Variants in KIF25 observed in about 807,000 individuals in gnomAD.
The protein encoded by KIF25 is kinesin family member 25.
In KIF25, 19 loss-of-function variants were observed where a neutral mutation model predicts 32.9. The observed-to-expected ratio is 0.58, with a 90% CI of 0.40 to 0.85. The LOEUF is 0.85. KIF25 is among the 40% of genes least tolerant of loss of function. KIF25 has a pLI of 0.00. For synonymous variants in KIF25, 225 were observed against 213.7 expected (o/e 1.05, Z -0.46); for missense variants, 485 against 507.0 (o/e 0.96, Z 0.42).
At chr6:168,021,871 C>T (rs575964881) in intron 5 of KIF25, among the ~76,000 whole-genome samples, 29 of 152,338 alleles carry the variant, frequency 1.9e-4, no homozygotes, top group Admixed American at 4.6e-4. Flanking sequence ...GATCTCAGAG[C>T]ATGGGTAAAG....
rs745632205 is a variant in KIF25, at chr6:168,045,013, T to G, written c.*17T>G. The G allele has an allele frequency of 6.3e-7, 1 of 1,577,126 alleles. No individual in the cohort carries two copies. The highest frequency in any genetic ancestry group is 1.8e-5 in the Admixed American group (1 of 54,230). On this transcript the variant is annotated 3_prime_UTR_variant, in exon 13 of 13. Transcript: ENST00000643607. Reference sequence around the variant, plus strand: ...CCGGATTGAATGCATTAACAAGTTTTTCTCCTAAAACTGTGTTTCTTGTCC... The same window carrying G: ...CCGGATTGAATGCATTAACAAGTTTGTCTCCTAAAACTGTGTTTCTTGTCC...
intron 7 of KIF25, among the ~76,000 whole-genome samples, chr6:168,031,435 G>T (rs1798940704): frequency 6.6e-6 from 1 of 152,220 alleles, no homozygotes; most frequent in Non-Finnish European, 1.5e-5. Context: ...TCCAGCAAAG[G>T]CTTCTGCACA....
intron 5 of KIF25, among the ~76,000 whole-genome samples, chr6:168,021,406 A>T (rs559453740): frequency 6.6e-6 from 1 of 152,374 alleles, no homozygotes; most frequent in Admixed American, 6.5e-5. Context: ...TCGAAGACAG[A>T]TCATGGTGAA....
chr6:168,040,218 T>C lies in KIF25; in HGVS notation c.646+2T>C. 1 of 1,609,450 alleles carries C rather than the reference T, an allele frequency of 6.2e-7. No homozygotes were observed. The highest frequency in any genetic ancestry group is 8.5e-7 in the Non-Finnish European group (1 of 1,177,800). ...CAGCCTCCTGCTCTGACAGCACTGG[T>C]AAGTCACCATTTGTGCTTGGTCAGT... On this transcript the variant is annotated splice_donor_variant, in intron 10 of 12. Coordinates refer to ENST00000643607, the MANE Select transcript of KIF25 (RefSeq NM_030615.4). LOFTEE classifies it high-confidence loss of function.
At chr6:168,005,721 G>T (rs989396022) in intron 4 of KIF25, among the ~76,000 whole-genome samples, 2 of 152,192 alleles carry the variant, frequency 1.3e-5, no homozygotes, top group East Asian at 3.9e-4. Context: ...AAGGATGTAG[G>T]CTGGGAGGCT....
rs556899448 is a variant in KIF25 at position 168,038,488 on chromosome 6, T to C, written c.318-65T>C. 41 of 1,550,526 alleles carry C rather than the reference T, an allele frequency of 2.6e-5. No homozygotes were observed. The African/African-American group carries it at 4.1e-4, about 15-fold the overall frequency. On this transcript the variant is annotated intron_variant, in intron 8 of 12. Coordinates refer to ENST00000643607, the MANE Select transcript of KIF25 (RefSeq NM_030615.4). ...TCCTGTAGGGCGTCTGGGGCTATGATTGGCTTACACTGAAAATCACTCTGT... is the reference window on the plus strand; with the variant it reads ...TCCTGTAGGGCGTCTGGGGCTATGACTGGCTTACACTGAAAATCACTCTGT...
chr6:168,018,831 C>T (rs952284103), intron 5 of KIF25, among the ~76,000 whole-genome samples: 1 of 152,176 alleles, frequency 6.6e-6, no homozygotes, highest in Non-Finnish European at 1.5e-5. Flanking sequence ...CCGGCAGCAG[C>T]CTGTGTCGCT....
intron 8 of KIF25, among the ~76,000 whole-genome samples, chr6:168,035,360 G>A (rs946165589): frequency 1.7e-5 from 2 of 117,906 alleles, no homozygotes; most frequent in South Asian, 3.1e-4. Context: ...CCACGGCTGC[G>A]TTTCCGTTTG....
At chr6:168,004,881 T>C (rs909580183) in intron 4 of KIF25, among the ~76,000 whole-genome samples, 1 of 152,244 alleles carries the variant, frequency 6.6e-6, no homozygotes, top group African/African-American at 2.4e-5. Flanking sequence ...GAAGCACTTT[T>C]GCTTCAAAAT....
chr6:168,042,793 C>T (rs916819465), intron 12 of KIF25, 77 bp downstream of exon 12: 106 of 1,495,616 alleles, frequency 7.1e-5, no homozygotes, highest in Non-Finnish European at 8.2e-5. Flanking sequence ...CTGGCCTGCA[C>T]GTCCTCGAGG....
At chr6:168,004,900 C>G (rs1188230247) in intron 4 of KIF25, among the ~76,000 whole-genome samples, 4 of 152,228 alleles carry the variant, frequency 2.6e-5, no homozygotes, top group Non-Finnish European at 5.9e-5. Flanking sequence ...ATCAAACCAG[C>G]ATCTAATCAA....
At chr6:168,018,947 G>C (rs1477100989) in intron 5 of KIF25, among the ~76,000 whole-genome samples, 6 of 152,222 alleles carry the variant, frequency 3.9e-5, no homozygotes, top group African/African-American at 1.2e-4. Context: ...AAGAACCACC[G>C]GGGAGGAGCC....
At chr6:168,025,581 T>TG (rs1798849362) in intron 5 of KIF25, among the ~76,000 whole-genome samples, 1 of 152,132 alleles carries the variant, frequency 6.6e-6, no homozygotes, top group African/African-American at 2.4e-5. Flanking sequence ...CTCCAATCCT[T>TG]GCAGTTTACT....
chr6:168,000,066 C>A (rs1798476705), intron 2 of KIF25, among the ~76,000 whole-genome samples: 1 of 112,166 alleles, frequency 8.9e-6, no homozygotes, highest in Non-Finnish European at 1.9e-5. Context: ...ATCCTGACCA[C>A]ACCTGACCCT....
chr6:168,031,524 C>T lies in KIF25; in HGVS notation c.167+677C>T, dbSNP rs548406731. On this transcript the variant is annotated intron_variant, in intron 7 of 12. Coordinates refer to ENST00000643607, the MANE Select transcript of KIF25 (RefSeq NM_030615.4). ...CGCGTCCCAAAGGCACATGATCCAA[C>T]GAGTAGGGTCAAGTCAGGAAGCTCC... is the stretch of plus-strand genomic sequence containing the variant. Among the ~76,000 whole-genome samples, 34 of 152,320 alleles carry T rather than the reference C, an allele frequency of 2.2e-4. No individual in the cohort carries two copies. In the South Asian group the frequency reaches 5.0e-3, roughly 22 times the overall value.
intron 5 of KIF25, among the ~76,000 whole-genome samples, chr6:168,020,016 C>T (rs372420231): frequency 2.6e-5 from 4 of 151,974 alleles, no homozygotes; most frequent in East Asian, 1.9e-4. Flanking sequence ...CCTGTAATCC[C>T]GCTGCTTGGG....
intron 2 of KIF25, among the ~76,000 whole-genome samples, chr6:168,001,529 C>G (rs2114862730): frequency 6.6e-6 from 1 of 152,130 alleles, no homozygotes; most frequent in East Asian, 1.9e-4. Context: ...TCCTCAGCTG[C>G]AGTAGCCTCA....
At chr6:168,021,937 AGTGTTC>A (rs1798792875) in intron 5 of KIF25, among the ~76,000 whole-genome samples, 1 of 152,224 alleles carries the variant, frequency 6.6e-6, no homozygotes, top group Non-Finnish European at 1.5e-5. Flanking sequence ...CTCTGACTTC[AGTGTTC>A]CAAATCAAAG....
At chr6:168,040,241 A>T in intron 10 of KIF25, 25 bp downstream of exon 10, 1 of 1,592,130 alleles carries the variant, frequency 6.3e-7, no homozygotes, top group Non-Finnish European at 8.6e-7. Context: ...GTGCTTGGTC[A>T]GTGGCAAGTA....
Sources: gnomAD v4.1 joint callset for allele counts (sites outside exome capture counted in the v4.1 genomes callset) on GRCh38, gnomAD v4.1.1 for gene constraint, MANE v1.5 for transcripts, NCBI Gene and HGNC (gene_info 2026-07-23, HGNC 2026-07-21) for gene names.